The following LEF1 variants were observed in gnomAD, a reference collection of about 807,000 sequenced individuals.
LEF1 encodes the protein lymphoid enhancer binding factor 1.
A neutral mutation model predicts 51.2 loss-of-function variants in LEF1; 14 were observed. The observed-to-expected ratio is 0.27, with a 90% confidence interval of 0.18 to 0.43. LEF1 has a LOEUF of 0.43. LEF1 is among the 20% of genes least tolerant of loss of function. The probability of loss-of-function intolerance (pLI) is 1.00; values close to 1 mark genes in which losing one functional copy is unlikely to be tolerated. For missense variants in LEF1, 386 were observed against 512.0 expected, an observed-to-expected ratio of 0.75 and a Z score of 2.37; for synonymous variants, 185 against 183.2, an observed-to-expected ratio of 1.01 and a Z score of -0.08.
At chr4:108,157,794 A>G (rs1744824805) in intron 3 of LEF1, among the ~76,000 whole-genome samples, 2 of 152,208 alleles carry the variant, frequency 1.3e-5, no homozygotes, top group Non-Finnish European at 2.9e-5. Context: ...TCGCTCAGTG[A>G]GCTTTGTAAG....
In LEF1 at chr4:108,072,972, G is replaced by T. The variant is rs988292924; in HGVS notation, c.1009-2202C>A. 39 of 152,234 alleles carry T rather than the reference G, an allele frequency of 2.6e-4. 1 individual carries two copies. The highest frequency in any genetic ancestry group is 5.4e-4 in the Non-Finnish European group (37 of 68,104). The allele number at this position is 152,234 out of a possible 1,614,324, so 9.4% of individuals were successfully genotyped here. The stretch of plus-strand genomic sequence containing the variant: ...CTGTGTTGCTGGAGTACAGTGGTGT[G>T]ATCATGGCTCACCGCAGCCTCGAAC... On this transcript the variant is annotated intron_variant, in intron 8 of 11. Transcript: ENST00000265165.
At chr4:108,126,320 C>T (rs952988441) in intron 3 of LEF1, among the ~76,000 whole-genome samples, 1 of 152,082 alleles carries the variant, frequency 6.6e-6, no homozygotes, top group African/African-American at 2.4e-5. Flanking sequence ...AGGACTTAAA[C>T]TGATTACAGA....
At chr4:108,058,140 C>T (rs1160605592) in intron 11 of LEF1, among the ~76,000 whole-genome samples, 2 of 152,016 alleles carry the variant, frequency 1.3e-5, no homozygotes, top group East Asian at 1.9e-4. Flanking sequence ...TCCCAAAGTG[C>T]TGGGATTACA....
At chr4:108,159,314 T>A (rs1383167307) in intron 3 of LEF1, among the ~76,000 whole-genome samples, 1 of 152,216 alleles carries the variant, frequency 6.6e-6, no homozygotes, top group Admixed American at 6.5e-5. Context: ...CATCTATATA[T>A]ACATTTGAGT....
chr4:108,121,839 C>T (rs1384206414), intron 3 of LEF1, among the ~76,000 whole-genome samples: 4 of 152,174 alleles, frequency 2.6e-5, no homozygotes, highest in Non-Finnish European at 5.9e-5. Context: ...CCTCTAAGTA[C>T]CTGTTGGCTG....
rs1032256028 is a variant in LEF1, at chr4:108,167,089, C to T, written c.213+466G>A. 4.6e-5 allele frequency among the ~76,000 whole-genome samples: 7 copies of T among 152,186 alleles called. No homozygotes were observed. Among genetic ancestry groups the T allele is most frequent in the Non-Finnish European group, 2.9e-5 (2 of 68,020 alleles). Reference sequence around the variant, plus strand: ...CCGCCTGTGGCTCTGCTCGTCTCCACCTAAGCCTTTGGTGGTTTAACGCAC... The same window carrying T: ...CCGCCTGTGGCTCTGCTCGTCTCCATCTAAGCCTTTGGTGGTTTAACGCAC... On this transcript the variant is annotated intron_variant, in intron 1 of 11. Transcript: ENST00000265165. The surrounding 1 kb of genome is among the most constrained non-coding windows in gnomAD (Gnocchi z 5.7).
At chr4:108,147,569 T>C (rs1395299532) in intron 3 of LEF1, among the ~76,000 whole-genome samples, 5 of 152,176 alleles carry the variant, frequency 3.3e-5, no homozygotes, top group African/African-American at 1.2e-4. Flanking sequence ...GTACATATAA[T>C]CCTGTATTAT....
At chr4:108,099,604 A>ATGTG (rs1740666299) in intron 3 of LEF1, among the ~76,000 whole-genome samples, 1 of 124,928 alleles carries the variant, frequency 8.0e-6, no homozygotes, top group African/African-American at 2.8e-5. Context: ...ATATATATAT[A>ATGTG]TATATATATA....
chr4:108,123,618 T>C (rs1394085197), intron 3 of LEF1, among the ~76,000 whole-genome samples: 1 of 151,998 alleles, frequency 6.6e-6, no homozygotes, highest in Non-Finnish European at 1.5e-5. Context: ...AATGTATATT[T>C]TGGGGAAAAA....
chr4:108,108,143 A>G (rs1560795581), intron 3 of LEF1, among the ~76,000 whole-genome samples: 1 of 152,238 alleles, frequency 6.6e-6, no homozygotes, highest in African/African-American at 2.4e-5. Context: ...GAAAGTGTAT[A>G]GTTACAAAGG....
At chr4:108,151,214 C>A (rs533495121) in intron 3 of LEF1, among the ~76,000 whole-genome samples, 17 of 152,016 alleles carry the variant, frequency 1.1e-4, no homozygotes, top group Non-Finnish European at 2.2e-4. Flanking sequence ...ATCTTTTACA[C>A]AACTCTTTCC....
At chr4:108,086,050 T>C (rs1739625594) in intron 4 of LEF1, among the ~76,000 whole-genome samples, 1 of 152,210 alleles carries the variant, frequency 6.6e-6, no homozygotes, top group Admixed American at 6.5e-5. Context: ...TGGGTCAATA[T>C]TATCAACCAC....
chr4:108,117,201 A>C (rs560016497), intron 3 of LEF1, among the ~76,000 whole-genome samples: 1 of 152,276 alleles, frequency 6.6e-6, no homozygotes, highest in East Asian at 1.9e-4. Context: ...CTTAGAGATA[A>C]ATTTCTTCCT....
intron 3 of LEF1, among the ~76,000 whole-genome samples, chr4:108,103,024 TC>T (rs748589166): frequency 1.3e-5 from 2 of 152,204 alleles, no homozygotes; most frequent in Non-Finnish European, 2.9e-5. Context: ...AATCCTGTTT[TC>T]TTTCACCAAA....
chr4:108,129,496 A>C (rs55664149), intron 3 of LEF1, among the ~76,000 whole-genome samples: 67,476 of 152,030 alleles, frequency 0.44, 17,190 homozygotes, highest in Middle Eastern at 0.67. Context: ...GGATTGCATA[A>C]ATTTTGAATG....
At chr4:108,166,354 C>T (rs1578417027) in intron 1 of LEF1, 3 of 1,507,218 alleles carry the variant, frequency 2.0e-6, no homozygotes, top group Middle Eastern at 1.8e-4. Flanking sequence ...GCCCTCAAAA[C>T]CACACACTTT....
chr4:108,165,909 C>T (rs1745358158), intron 1 of LEF1, among the ~76,000 whole-genome samples: 1 of 152,124 alleles, frequency 6.6e-6, no homozygotes, highest in Admixed American at 6.5e-5. Context: ...CACTTAACAC[C>T]CGAGTGCTCT....
At chr4:108,125,224 C>T (rs55736467) in intron 3 of LEF1, among the ~76,000 whole-genome samples, 8,004 of 152,158 alleles carry the variant, frequency 0.053, 694 homozygotes, top group African/African-American at 0.18. Context: ...AGTGCAGTGG[C>T]GCAATCTCAG....
At chr4:108,084,645 G>T (rs957905811) in intron 4 of LEF1, among the ~76,000 whole-genome samples, 1 of 152,122 alleles carries the variant, frequency 6.6e-6, no homozygotes, top group African/African-American at 2.4e-5. Context: ...AAAGAAAAAA[G>T]TTCTTTAATT....
Sources: gnomAD v4.1 joint callset for allele counts (sites outside exome capture counted in the v4.1 genomes callset) on GRCh38, gnomAD v4.1.1 for gene constraint, Gnocchi (gnomAD v3.1) non-coding constraint, MANE v1.5 for transcripts, NCBI Gene and HGNC (gene_info 2026-07-23, HGNC 2026-07-21) for gene names.